MOGAT1: variants seen among roughly 807,000 people sequenced by gnomAD.
MOGAT1 encodes the protein 2-acylglycerol O-acyltransferase 1.
A neutral mutation model predicts 31.4 loss-of-function variants in MOGAT1; 32 were observed. The ratio of observed to expected loss-of-function variants is 1.02; its 90% CI spans 0.77 to 1.37. The LOEUF is 1.37. Among genes scored for constraint, MOGAT1 ranks in the 40% most tolerant of loss-of-function variants. MOGAT1 has a pLI of 0.00. For synonymous variants in MOGAT1, 145 were observed against 144.5 expected (o/e 1.00, Z -0.03); for missense variants, 426 against 402.0 (o/e 1.06, Z -0.51).
chr2:222,688,559 TAGG>T (rs368574282), intron 2 of MOGAT1, 37 bp downstream of exon 2: 2 of 1,479,818 alleles, frequency 1.4e-6, no homozygotes, highest in African/African-American at 1.4e-5. Context: ...TATTTTGATT[TAGG>T]AGAAGAGTGG....
At chr2:222,695,345 T>G in intron 5 of MOGAT1, 57 bp downstream of exon 5, 1 of 1,185,622 alleles carries the variant, frequency 8.4e-7, no homozygotes, top group Non-Finnish European at 1.2e-6. Flanking sequence ...TTTCTTGTTA[T>G]TGATTGAGGT....
chr2:222,681,737 C>T (rs893447455), intron 1 of MOGAT1, among the ~76,000 whole-genome samples: 3 of 152,142 alleles, frequency 2.0e-5, no homozygotes, highest in African/African-American at 7.2e-5. Flanking sequence ...CAAGAGTTGT[C>T]TCATTAGAAG....
At chr2:222,682,562 A>G (rs1305203734) in intron 1 of MOGAT1, among the ~76,000 whole-genome samples, 2 of 152,190 alleles carry the variant, frequency 1.3e-5, no homozygotes, top group East Asian at 3.9e-4. Context: ...TGGTGGTGCT[A>G]AATTCGATGA....
At chr2:222,677,676 GA>G in intron 1 of MOGAT1, 1 of 410,278 alleles carries the variant, frequency 2.4e-6, no homozygotes, top group South Asian at 2.1e-5. Flanking sequence ...AAGGATTCTA[GA>G]AAATGACACA....
chr2:222,673,292 T>C (rs1574967531), intron 1 of MOGAT1, among the ~76,000 whole-genome samples: 1 of 130,366 alleles, frequency 7.7e-6, no homozygotes, highest in Admixed American at 8.4e-5. Context: ...TCTTAAGAAC[T>C]CTCCGAGTGA....
intron 5 of MOGAT1, among the ~76,000 whole-genome samples, chr2:222,709,189 G>A (rs1693075233): frequency 6.6e-6 from 1 of 152,118 alleles, no homozygotes; most frequent in Non-Finnish European, 1.5e-5. Context: ...ATGGTGGTGG[G>A]AGCCTGTAAT....
In MOGAT1 at chr2:222,709,797, A is replaced by G. The variant is rs1480777594; in HGVS notation, c.915A>G (p.Leu305=). 1 of 1,613,520 alleles carries G rather than the reference A, an allele frequency of 6.2e-7. No homozygotes were observed. Among genetic ancestry groups the G allele is most frequent in the African/African-American group, 1.3e-5 (1 of 74,904 alleles). ...LNPTQEQIEE[L]HQTYMEELRK... is the part of the protein sequence containing the mutation. ...CGACCCAGGAGCAGATTGAGGAGTT[A>G]CATCAGACCTATATGGAGGAACTTA... The change falls in exon 6 of 6, where the codon TTA becomes TTG. Residue 305 remains leucine (L), a synonymous_variant. Transcript: ENST00000446656.
intron 3 of MOGAT1, among the ~76,000 whole-genome samples, chr2:222,691,247 C>T (rs1444456059): frequency 6.6e-6 from 1 of 151,122 alleles, no homozygotes; most frequent in Non-Finnish European, 1.5e-5. Context: ...CTCTTGTTGC[C>T]CAGGCTGGGG....
At chr2:222,672,208 G>T (rs1294231675) in intron 1 of MOGAT1, among the ~76,000 whole-genome samples, 2 of 152,162 alleles carry the variant, frequency 1.3e-5, no homozygotes, top group African/African-American at 4.8e-5. Context: ...CCCATCGAAC[G>T]CATGAGCACT....
At chr2:222,676,602 C>G (rs1692501961) in intron 1 of MOGAT1, among the ~76,000 whole-genome samples, 1 of 152,086 alleles carries the variant, frequency 6.6e-6, no homozygotes, top group Non-Finnish European at 1.5e-5. Flanking sequence ...CATAGGTAAA[C>G]CAAGAATGTA....
intron 1 of MOGAT1, among the ~76,000 whole-genome samples, chr2:222,684,220 A>G (rs1392875533): frequency 6.6e-6 from 1 of 152,112 alleles, no homozygotes; most frequent in East Asian, 1.9e-4. Flanking sequence ...CCTGGCCATC[A>G]TGGTGAAACC....
chr2:222,696,735 G>A (rs557532079), intron 5 of MOGAT1, among the ~76,000 whole-genome samples: 1 of 152,232 alleles, frequency 6.6e-6, no homozygotes, highest in African/African-American at 2.4e-5. Flanking sequence ...TGAAGACCAT[G>A]TTGATAAAAA....
At chr2:222,677,780 A>C (rs1241720504) in intron 1 of MOGAT1, 1 of 315,822 alleles carries the variant, frequency 3.2e-6, no homozygotes, top group Admixed American at 3.7e-5. Flanking sequence ...TGGACAAGTT[A>C]ATGGAAAGCT....
intron 1 of MOGAT1, among the ~76,000 whole-genome samples, chr2:222,681,938 T>C (rs924755836): frequency 3.3e-5 from 5 of 152,252 alleles, no homozygotes; most frequent in Non-Finnish European, 7.3e-5. Flanking sequence ...GTCACAGATA[T>C]GGTACTTACA....
chr2:222,690,216 CT>C (rs1344766103), intron 3 of MOGAT1, among the ~76,000 whole-genome samples: 2 of 152,114 alleles, frequency 1.3e-5, no homozygotes, highest in African/African-American at 4.8e-5. Flanking sequence ...GATGGTGCCC[CT>C]GCACTTCAGT....
intron 1 of MOGAT1, among the ~76,000 whole-genome samples, chr2:222,673,624 T>A (rs562361285): frequency 6.6e-6 from 1 of 152,272 alleles, no homozygotes; most frequent in East Asian, 1.9e-4. Context: ...TAGAGCTGGT[T>A]TCAAACCCAA....
intron 5 of MOGAT1, among the ~76,000 whole-genome samples, chr2:222,697,114 G>C (rs945908562): frequency 6.6e-6 from 1 of 152,136 alleles, no homozygotes; most frequent in South Asian, 2.1e-4. Context: ...GGATTGGAGA[G>C]CTAAAATGAG....
chr2:222,704,121 G>C (rs537620610), intron 5 of MOGAT1, among the ~76,000 whole-genome samples: 1 of 152,196 alleles, frequency 6.6e-6, no homozygotes, highest in Non-Finnish European at 1.5e-5. Flanking sequence ...ACAAGTAGGC[G>C]TTGGCAGCTT....
chr2:222,701,474 G>GAGAA (rs1362625953), intron 5 of MOGAT1, among the ~76,000 whole-genome samples: 6 of 143,894 alleles, frequency 4.2e-5, no homozygotes, highest in African/African-American at 7.8e-5. Flanking sequence ...AAGAAAGAAA[G>GAGAA]AGAAAGAAAG....
Sources: gnomAD v4.1 joint callset for allele counts (sites outside exome capture counted in the v4.1 genomes callset) on GRCh38, gnomAD v4.1.1 for gene constraint, MANE v1.5 for transcripts, NCBI Gene and HGNC (gene_info 2026-07-23, HGNC 2026-07-21) for gene names.